The following NTNG1 variants were observed in gnomAD, a reference collection of about 807,000 sequenced individuals.
NTNG1 encodes netrin G1.
Under a neutral mutation model 54.0 loss-of-function variants are expected in NTNG1, and 16 were observed. The observed-to-expected ratio is 0.30, with a 90% CI of 0.20 to 0.45. The LOEUF is 0.45. Among genes scored for constraint, NTNG1 ranks in the 20% least tolerant of loss-of-function variants. The probability of loss-of-function intolerance (pLI) is 1.00; values close to 1 mark genes in which losing one functional copy is unlikely to be tolerated. For synonymous variants in NTNG1, 255 were observed against 263.1 expected, an observed-to-expected ratio of 0.97 and a Z score of 0.30; for missense variants, 530 against 678.7, an observed-to-expected ratio of 0.78 and a Z score of 2.43.
chr1:107,234,252 A>T (rs986102821), intron 2 of NTNG1, among the ~76,000 whole-genome samples: 5 of 152,104 alleles, frequency 3.3e-5, no homozygotes, highest in African/African-American at 1.2e-4. Flanking sequence ...TCTCCCGAGT[A>T]GCTGGGATTA....
At chr1:107,243,679 A>G (rs1001504301) in intron 2 of NTNG1, among the ~76,000 whole-genome samples, 4 of 152,080 alleles carry the variant, frequency 2.6e-5, no homozygotes, top group African/African-American at 4.8e-5. Flanking sequence ...TCAGCCTTCC[A>G]GTAGCTGGGA....
intron 5 of NTNG1, among the ~76,000 whole-genome samples, chr1:107,422,870 C>A (rs1674660443): frequency 6.6e-6 from 1 of 152,026 alleles, no homozygotes; most frequent in Non-Finnish European, 1.5e-5. Context: ...TTTACAGAGA[C>A]AATTTACTAA....
chr1:107,189,483 G>T (rs1657739861), intron 2 of NTNG1, among the ~76,000 whole-genome samples: 1 of 149,738 alleles, frequency 6.7e-6, no homozygotes, highest in Admixed American at 6.7e-5. Flanking sequence ...GCGGGGGAGG[G>T]GTGTCAAAAT....
At chr1:107,341,998 T>C (rs529461269) in intron 3 of NTNG1, among the ~76,000 whole-genome samples, 38 of 151,936 alleles carry the variant, frequency 2.5e-4, no homozygotes, top group Non-Finnish European at 5.0e-4. Flanking sequence ...GAGTGGACAA[T>C]TTACTAAAGA....
At chr1:107,480,583 C>CCCCCCCAAAAAA (rs2101618131) in intron 7 of NTNG1, 28 bp from the exon 8 acceptor site, 5 of 744,748 alleles carry the variant, frequency 6.7e-6, no homozygotes, top group East Asian at 2.6e-5. Flanking sequence ...CGCGCCCACC[C>CCCCCCCAAAAAA]ACCCCTACCT....
Position 107,164,375 on chromosome 1 carries a change from G to A in NTNG1, c.246+15536G>A, listed in dbSNP as rs78991385. ...AAAGAGAACCATGAAGGGTGAAAAA[G>A]CTGTTGTAATCCATACAGAAACTTT... On this transcript the variant is annotated intron_variant, in intron 2 of 7. Coordinates refer to ENST00000370068, the MANE Select transcript of NTNG1 (RefSeq NM_001113226.3). 6.8e-3 allele frequency among the ~76,000 whole-genome samples: 1,031 copies of A among 152,328 alleles called. 15 individuals carry two copies. Among genetic ancestry groups the A allele is most frequent in the African/African-American group, 0.023 (970 of 41,572 alleles).
At chr1:107,189,837 G>A (rs1310075391) in intron 2 of NTNG1, among the ~76,000 whole-genome samples, 1 of 151,838 alleles carries the variant, frequency 6.6e-6, no homozygotes, top group Non-Finnish European at 1.5e-5. Flanking sequence ...AAAAAAGGGG[G>A]GGGCCTTACT....
At chr1:107,429,666 G>C (rs749391542) in intron 5 of NTNG1, among the ~76,000 whole-genome samples, 2 of 152,070 alleles carry the variant, frequency 1.3e-5, no homozygotes, top group Non-Finnish European at 2.9e-5. Context: ...CAGTATCCTG[G>C]CTGACCTTCC....
chr1:107,301,056 G>A (rs1009391539), intron 2 of NTNG1, among the ~76,000 whole-genome samples: 32 of 151,164 alleles, frequency 2.1e-4, no homozygotes, highest in Non-Finnish European at 4.6e-4. Flanking sequence ...TTCTATATCT[G>A]ACCCTAAGTA....
chr1:107,235,222 C>T (rs1298638668), intron 2 of NTNG1, among the ~76,000 whole-genome samples: 2 of 152,048 alleles, frequency 1.3e-5, no homozygotes, highest in Non-Finnish European at 2.9e-5. Context: ...AGCTTAGAAG[C>T]CATCACTATT....
intron 2 of NTNG1, among the ~76,000 whole-genome samples, chr1:107,244,692 C>T (rs1662072356): frequency 6.6e-6 from 1 of 152,208 alleles, no homozygotes; most frequent in South Asian, 2.1e-4. Flanking sequence ...AAGGTGTTCT[C>T]TCCCTTCTTC....
chr1:107,321,200 A>G (rs1667643918), intron 2 of NTNG1, among the ~76,000 whole-genome samples: 1 of 152,064 alleles, frequency 6.6e-6, no homozygotes, highest in Non-Finnish European at 1.5e-5. Context: ...CCTGTCCCCC[A>G]ACTAGGATGG....
intron 2 of NTNG1, among the ~76,000 whole-genome samples, chr1:107,300,221 C>A (rs1303695593): frequency 1.3e-5 from 2 of 152,178 alleles, no homozygotes; most frequent in African/African-American, 4.8e-5. Context: ...ACACTGGCAG[C>A]TTGCAGTTTG....
intron 2 of NTNG1, among the ~76,000 whole-genome samples, chr1:107,320,154 C>T (rs1387359607): frequency 6.6e-6 from 1 of 152,114 alleles, no homozygotes; most frequent in Non-Finnish European, 1.5e-5. Context: ...CAATCTTCTT[C>T]TAATTGTTAC....
rs1346735104 is a variant in NTNG1 at position 107,455,043 on chromosome 1, A to T, written c.1390+18244A>T. Among the ~76,000 whole-genome samples, 3 of 151,698 alleles carry T rather than the reference A, an allele frequency of 2.0e-5. No homozygotes were observed. The East Asian group carries it at 5.8e-4, about 29-fold the overall frequency. ...AGAATGAGGAAGACTCTTGAACATT[A>T]GTCACTCACATGGTGACTATTTTTT... On this transcript the variant is annotated intron_variant, in intron 7 of 7. Coordinates refer to ENST00000370068, the MANE Select transcript of NTNG1 (RefSeq NM_001113226.3).
At chr1:107,382,831 G>A (rs1265440897) in intron 3 of NTNG1, among the ~76,000 whole-genome samples, 1 of 150,204 alleles carries the variant, frequency 6.7e-6, no homozygotes, top group African/African-American at 2.5e-5. Context: ...ACTTTTCCAA[G>A]GCTTATTAAC....
intron 2 of NTNG1, among the ~76,000 whole-genome samples, chr1:107,297,797 C>T (rs1160157642): frequency 1.3e-5 from 2 of 152,060 alleles, no homozygotes; most frequent in Admixed American, 1.3e-4. Flanking sequence ...ATTGTGGGGA[C>T]ATAAATCTGA....
intron 3 of NTNG1, among the ~76,000 whole-genome samples, chr1:107,356,531 T>A (rs1054271241): frequency 6.6e-6 from 1 of 152,096 alleles, no homozygotes; most frequent in African/African-American, 2.4e-5. Context: ...TGGCCTCAAG[T>A]GATCTGCTTG....
intron 2 of NTNG1, among the ~76,000 whole-genome samples, chr1:107,219,114 A>ATT (rs199656576): frequency 0.09 from 12,952 of 143,666 alleles, 629 homozygotes; most frequent in African/African-American, 0.11. Context: ...TTGTTTTTAA[A>ATT]TTTTTTTTTT....
Sources: allele counts gnomAD v4.1 joint callset (sites outside exome capture counted in the v4.1 genomes callset), GRCh38; gene constraint gnomAD v4.1.1; transcripts MANE v1.5; gene names NCBI Gene and HGNC (gene_info 2026-07-23, HGNC 2026-07-21).